RUBCNL: variants seen among roughly 807,000 people sequenced by gnomAD.
The protein encoded by RUBCNL is rubicon like autophagy enhancer, also known as protein associated with UVRAG as autophagy enhancer.
A neutral mutation model predicts 69.5 loss-of-function variants in RUBCNL; 62 were observed. The ratio of observed to expected loss-of-function variants is 0.89; its 90% CI spans 0.73 to 1.10. RUBCNL has a LOEUF of 1.10. Ranked by LOEUF, RUBCNL falls within the 50% of genes least tolerant of loss-of-function variation. The pLI is 0.00. For missense variants in RUBCNL, 768 were observed against 798.1 expected (o/e 0.96, Z 0.45); for synonymous variants, 291 against 303.6 (o/e 0.96, Z 0.43).
Position 46,337,301 on chromosome 13 carries a change from C to T in RUBCNL, c.*6084G>A, listed in dbSNP as rs554048194. On this transcript the variant is annotated 3_prime_UTR_variant, in exon 15 of 15. Transcript: ENST00000429979. ...GGGATTACAGGCACTTGCGACCACA[C>T]CTAATTTTTGTATTTTTAGTAAAGA... 6.6e-6 allele frequency among the ~76,000 whole-genome samples: 1 copy of T among 152,160 alleles called. No individual in the cohort carries two copies. Among genetic ancestry groups the T allele is most frequent in the East Asian group, 1.9e-4 (1 of 5,172 alleles).
intron 10 of RUBCNL, among the ~76,000 whole-genome samples, chr13:46,352,222 C>T (rs2048384837): frequency 6.6e-6 from 1 of 152,204 alleles, no homozygotes; most frequent in South Asian, 2.1e-4. Context: ...AAAACTAATG[C>T]AACAAATACC....
rs1391387336 is a variant in RUBCNL, at chr13:46,342,385, C to T, written c.*1000G>A. On this transcript the variant is annotated 3_prime_UTR_variant, in exon 15 of 15. Coordinates refer to ENST00000429979, the MANE Select transcript of RUBCNL (RefSeq NM_025113.5). ...GTCTAAAGGTATACCATGAAGGGAC[C>T]CAGCCTCAAGGCCCCTTTCTCAAGT... 2.0e-5 allele frequency: 3 copies of T among 152,144 alleles called. No individual in the cohort carries two copies. Among genetic ancestry groups the T allele is most frequent in the Middle Eastern group, 6.8e-3 (2 of 294 alleles). 9.4% of individuals were successfully genotyped at this position (152,144 alleles called of 1,614,324 possible).
intron 3 of RUBCNL, among the ~76,000 whole-genome samples, chr13:46,370,146 T>G (rs1015152258): frequency 5.3e-5 from 8 of 152,084 alleles, no homozygotes; most frequent in Non-Finnish European, 1.0e-4. Context: ...CGGAACAGAG[T>G]GGATTCCAGT....
intron 1 of RUBCNL, among the ~76,000 whole-genome samples, chr13:46,381,801 C>G (rs1051354641): frequency 6.6e-6 from 1 of 152,104 alleles, no homozygotes; most frequent in African/African-American, 2.4e-5. Flanking sequence ...AGGCTGGTCT[C>G]GAACTCCTGA....
intron 10 of RUBCNL, chr13:46,354,616 G>A (rs1029524632): frequency 3.4e-5 from 12 of 352,614 alleles, no homozygotes; most frequent in African/African-American, 1.3e-4. Flanking sequence ...TGCACATGAC[G>A]AACACCCCTA....
intron 1 of RUBCNL, chr13:46,385,137 T>C (rs1183113839): frequency 7.4e-6 from 2 of 270,462 alleles, no homozygotes; most frequent in Non-Finnish European, 1.1e-5. Context: ...ACGAACAGAA[T>C]TGTAGCACGT....
At chr13:46,377,705 C>T (rs2049025954) in intron 2 of RUBCNL, among the ~76,000 whole-genome samples, 185 bp downstream of exon 2, 1 of 152,238 alleles carries the variant, frequency 6.6e-6, no homozygotes, top group Non-Finnish European at 1.5e-5. Flanking sequence ...AAAGCAGGTG[C>T]TTTCTTCACT....
At position 46,359,594 on chromosome 13, in the gene RUBCNL, G is replaced by A. The variant is rs2138738680; in HGVS notation, c.1157C>T (p.Ser386Phe). ...AATTTCCTGTACTACATTCATACTG[G>A]ATTCAAAGTCTTTTCGGACACACTC... ...NEECVRKDFE[S>F]SMNVVQEIKF... Residue 386 changes from serine (S) to phenylalanine (F), a missense_variant, in exon 9 of 15, where the codon TCC becomes TTC. Physicochemically the swap from Ser to Phe is radical, Grantham distance 155 (BLOSUM62 -2). Coordinates refer to ENST00000429979, the MANE Select transcript of RUBCNL (RefSeq NM_025113.5). The A allele has an allele frequency of 1.9e-6, 3 of 1,592,088 alleles. No individual in the cohort carries two copies.
At chr13:46,350,778 CATAGGAAA>C (rs2048353486) in intron 10 of RUBCNL, 1 of 163,432 alleles carries the variant, frequency 6.1e-6, no homozygotes, top group Non-Finnish European at 1.3e-5. Context: ...TGTTATTACA[CATAGGAAA>C]AGTGCTTTAT....
At chr13:46,346,134 C>T (rs1222241551) in intron 12 of RUBCNL, among the ~76,000 whole-genome samples, 6 of 152,148 alleles carry the variant, frequency 3.9e-5, no homozygotes, top group Non-Finnish European at 8.8e-5. Context: ...CTAGGGCATT[C>T]AAAACTTCAT....
intron 14 of RUBCNL, among the ~76,000 whole-genome samples, chr13:46,343,838 T>C (rs1167365440): frequency 2.0e-5 from 3 of 152,178 alleles, no homozygotes; most frequent in African/African-American, 7.2e-5. Context: ...TTTCTCTAGA[T>C]ATGGCCCTAC....
chr13:46,365,264 C>T (rs1304707544), intron 5 of RUBCNL, among the ~76,000 whole-genome samples: 1 of 143,862 alleles, frequency 7.0e-6, no homozygotes, highest in Non-Finnish European at 1.5e-5. Context: ...GATCGCACCA[C>T]TCTACTCCGG....
In RUBCNL at chr13:46,342,766, T is replaced by C. The variant is rs2048164427; in HGVS notation, c.*619A>G. 1 of 152,370 alleles carries C rather than the reference T, an allele frequency of 6.6e-6. No homozygotes were observed. The highest frequency in any genetic ancestry group is 1.5e-5 in the Non-Finnish European group (1 of 68,148). The allele number at this position is 152,370 out of a possible 1,614,324, so 9.4% of individuals were successfully genotyped here. Reference sequence around the variant, plus strand: ...CTGAAAGAGTGCCATCTAGAAGCAGTTGCTTCAAACTGCACTTCAACGGGA... The same window carrying C: ...CTGAAAGAGTGCCATCTAGAAGCAGCTGCTTCAAACTGCACTTCAACGGGA... On this transcript the variant is annotated 3_prime_UTR_variant, in exon 15 of 15. Coordinates refer to ENST00000429979, the MANE Select transcript of RUBCNL (RefSeq NM_025113.5).
chr13:46,383,554 T>C (rs2049167958), intron 1 of RUBCNL, among the ~76,000 whole-genome samples: 1 of 152,210 alleles, frequency 6.6e-6, no homozygotes, highest in Non-Finnish European at 1.5e-5. Context: ...ATGCCTTGAT[T>C]AGGTCAGAAT....
In RUBCNL at chr13:46,349,279, A is replaced by T. The variant is rs571648801; in HGVS notation, c.1631+7T>A. 5 of 1,613,156 alleles carry T rather than the reference A, an allele frequency of 3.1e-6. No individual in the cohort carries two copies. In the South Asian group the frequency reaches 4.4e-5, roughly 14 times the overall value. On this transcript the variant is annotated splice_region_variant and intron_variant, in intron 12 of 14. Coordinates refer to ENST00000429979, the MANE Select transcript of RUBCNL (RefSeq NM_025113.5). Reference sequence around the variant, plus strand: ...GGAAGGCAGCCTGTCCCAGCTGAGAATAGTACCTGTTAGCAAACCTACAGG... The same window carrying T: ...GGAAGGCAGCCTGTCCCAGCTGAGATTAGTACCTGTTAGCAAACCTACAGG...
At chr13:46,369,603 A>G (rs1440587676) in intron 3 of RUBCNL, among the ~76,000 whole-genome samples, 2 of 152,308 alleles carry the variant, frequency 1.3e-5, no homozygotes, top group East Asian at 3.9e-4. Context: ...GTCAAAACCA[A>G]CAAACTGCAG....
rs548976614 is a variant in RUBCNL at position 46,336,512 on chromosome 13, C to T, written c.*6873G>A. On this transcript the variant is annotated 3_prime_UTR_variant, in exon 15 of 15. Coordinates refer to ENST00000429979, the MANE Select transcript of RUBCNL (RefSeq NM_025113.5). ...TAATCCCACTATACAGAGATAATCACCACCACAATATGATGAAATTCATTA... is the reference window on the plus strand; with the variant it reads ...TAATCCCACTATACAGAGATAATCATCACCACAATATGATGAAATTCATTA... Among the ~76,000 whole-genome samples the T allele has an allele frequency of 2.0e-5, 3 of 152,232 alleles. No homozygotes were observed. Among genetic ancestry groups the T allele is most frequent in the African/African-American group, 7.2e-5 (3 of 41,530 alleles).
At chr13:46,378,817 G>A (rs987083769) in intron 1 of RUBCNL, among the ~76,000 whole-genome samples, 1 of 152,162 alleles carries the variant, frequency 6.6e-6, no homozygotes, top group African/African-American at 2.4e-5. Context: ...ATAGGCAAAA[G>A]TACATCAGAT....
chr13:46,367,453 C>G (rs1455590654), intron 5 of RUBCNL, among the ~76,000 whole-genome samples: 1 of 152,012 alleles, frequency 6.6e-6, no homozygotes, highest in African/African-American at 2.4e-5. Context: ...ACGTTTATTT[C>G]CAGTGAAAAA....
Sources: gnomAD v4.1 joint callset for allele counts (sites outside exome capture counted in the v4.1 genomes callset) on GRCh38, gnomAD v4.1.1 for gene constraint, MANE v1.5 for transcripts, NCBI Gene and HGNC (gene_info 2026-07-23, HGNC 2026-07-21) for gene names.